Variants in CYP39A1 observed in about 807,000 individuals in gnomAD.
CYP39A1 encodes the protein cytochrome P450 family 39 subfamily A member 1, also known as 24-hydroxycholesterol 7-alpha-hydroxylase.
A neutral mutation model predicts 58.1 loss-of-function variants in CYP39A1; 49 were observed. The ratio of observed to expected loss-of-function variants is 0.84; its 90% CI spans 0.67 to 1.07. The LOEUF is 1.07. Among genes scored for constraint, CYP39A1 ranks in the 50% least tolerant of loss-of-function variants. The pLI, the probability that CYP39A1 is intolerant of heterozygous loss-of-function variation, is 0.00. For missense variants in CYP39A1, 531 were observed against 539.4 expected (o/e 0.98, Z 0.16); for synonymous variants, 209 against 187.6 (o/e 1.11, Z -0.93).
chr6:46,609,202 C>A (rs538632462), intron 7 of CYP39A1, among the ~76,000 whole-genome samples: 129 of 151,740 alleles, frequency 8.5e-4, no homozygotes, highest in African/African-American at 3.1e-3. Context: ...AAGATCGAGA[C>A]CATCCTGGCT....
chr6:46,583,352 G>A, intron 10 of CYP39A1: 3 of 985,330 alleles, frequency 3.0e-6, no homozygotes, highest in Non-Finnish European at 3.6e-6. Flanking sequence ...TGTTGGTTTT[G>A]GTGTGTGTTC....
chr6:46,594,233 C>T (rs2150521327), intron 8 of CYP39A1, among the ~76,000 whole-genome samples: 1 of 152,140 alleles, frequency 6.6e-6, no homozygotes, highest in East Asian at 1.9e-4. Flanking sequence ...CTACACAACT[C>T]TTATTAATAA....
intron 7 of CYP39A1, among the ~76,000 whole-genome samples, chr6:46,617,687 C>G (rs951981157): frequency 1.3e-5 from 2 of 152,148 alleles, no homozygotes; most frequent in African/African-American, 4.8e-5. Flanking sequence ...CTACCACTTG[C>G]TAGCTGTATG....
intron 10 of CYP39A1, among the ~76,000 whole-genome samples, chr6:46,571,278 T>A (rs549619095): frequency 1.3e-5 from 2 of 152,276 alleles, no homozygotes; most frequent in African/African-American, 4.8e-5. Flanking sequence ...GTTTCCTTAT[T>A]GATTTTCTGC....
intron 10 of CYP39A1, among the ~76,000 whole-genome samples, chr6:46,575,159 A>G (rs959919794): frequency 6.6e-6 from 1 of 152,138 alleles, no homozygotes; most frequent in Admixed American, 6.5e-5. Flanking sequence ...CACAACTCCC[A>G]TGACATTTGA....
intron 7 of CYP39A1, among the ~76,000 whole-genome samples, chr6:46,620,173 C>T (rs1411653525): frequency 1.3e-5 from 2 of 151,936 alleles, no homozygotes; most frequent in Non-Finnish European, 2.9e-5. Flanking sequence ...ATTCTCAAAC[C>T]CCTCTTTATA....
intron 5 of CYP39A1, among the ~76,000 whole-genome samples, chr6:46,634,235 A>C (rs1775827626): frequency 6.6e-6 from 1 of 152,108 alleles, no homozygotes; most frequent in African/African-American, 2.4e-5. Flanking sequence ...TCCCCACACA[A>C]GCTCTCTCTC....
In CYP39A1 at chr6:46,550,284, G is replaced by A. The variant is rs2150472875; in HGVS notation, c.*82C>T. On this transcript the variant is annotated 3_prime_UTR_variant, in exon 12 of 12. Coordinates refer to ENST00000275016, the MANE Select transcript of CYP39A1 (RefSeq NM_016593.5). ...AAACAAAGTGAAGCAGTGTGTTTTT[G>A]TAGAGCTCAGGTCTAGGTGCTGCCA... 2 of 1,088,150 alleles carry A rather than the reference G, an allele frequency of 1.8e-6. No homozygotes were observed. The highest frequency in any genetic ancestry group is 2.9e-5 in the South Asian group (2 of 68,318). The allele number at this position is 1,088,150 out of a possible 1,614,324, so 67.4% of individuals were successfully genotyped here. A position where few individuals can be genotyped will look rare whatever the true frequency, so the allele number is the denominator to read the frequency against.
At chr6:46,553,651 T>A (rs1770524165) in intron 11 of CYP39A1, 116 bp downstream of exon 11, 1 of 711,498 alleles carries the variant, frequency 1.4e-6, no homozygotes, top group African/African-American at 1.8e-5. Context: ...CCTGTTAAGA[T>A]CAGGCCTAAG....
At chr6:46,607,483 A>ACACC (rs1465288583) in intron 7 of CYP39A1, among the ~76,000 whole-genome samples, 1 of 151,934 alleles carries the variant, frequency 6.6e-6, no homozygotes, top group African/African-American at 2.4e-5. Context: ...ACACACACAC[A>ACACC]CACACACATG....
rs566223894 is a variant in CYP39A1, at chr6:46,576,985, C to T, written c.1250+10092G>A. On this transcript the variant is annotated intron_variant, in intron 10 of 11. Transcript: ENST00000275016. Reference sequence around the variant, plus strand: ...GAGAGGTTGACATGCTCATAAGATTCTCCAAAGTCAATGCAAAAGAAAAAA... The same window carrying T: ...GAGAGGTTGACATGCTCATAAGATTTTCCAAAGTCAATGCAAAAGAAAAAA... Among the ~76,000 whole-genome samples the T allele has an allele frequency of 8.5e-5, 13 of 152,204 alleles. No homozygotes were observed. In the East Asian group the frequency reaches 2.5e-3, roughly 29 times the overall value.
At chr6:46,628,849 G>A (rs1019388553) in intron 6 of CYP39A1, among the ~76,000 whole-genome samples, 3 of 152,168 alleles carry the variant, frequency 2.0e-5, no homozygotes, top group African/African-American at 7.2e-5. Context: ...TGAAAATAAT[G>A]ATTGACTGAA....
intron 7 of CYP39A1, 65 bp from the exon 8 acceptor site, chr6:46,596,185 C>T: frequency 1.5e-6 from 2 of 1,313,160 alleles, no homozygotes; most frequent in East Asian, 4.8e-5. Flanking sequence ...TTCACGTAAG[C>T]TCATCAGCAG....
chr6:46,642,050 A>G, intron 2 of CYP39A1, 113 bp downstream of exon 2: 1 of 1,181,126 alleles, frequency 8.5e-7, no homozygotes, highest in Non-Finnish European at 1.2e-6. Context: ...TCAAGAATAA[A>G]ATAATGGACC....
chr6:46,636,530 G>A, intron 4 of CYP39A1, 48 bp from the exon 5 acceptor site: 1 of 1,184,056 alleles, frequency 8.4e-7, no homozygotes, highest in Non-Finnish European at 1.2e-6. Flanking sequence ...AGCACTTTAG[G>A]AATAACAGGT....
At chr6:46,554,730 C>A (rs1475219116) in intron 10 of CYP39A1, among the ~76,000 whole-genome samples, 3 of 152,142 alleles carry the variant, frequency 2.0e-5, no homozygotes, top group African/African-American at 7.2e-5. Context: ...TTAATGAATA[C>A]AATTAGTCCA....
intron 1 of CYP39A1, among the ~76,000 whole-genome samples, chr6:46,642,754 T>A (rs1776423498): frequency 6.6e-6 from 1 of 152,174 alleles, no homozygotes; most frequent in Non-Finnish European, 1.5e-5. Context: ...ACTTTTCTAA[T>A]CTGTTCACTT....
Position 46,636,455 on chromosome 6 carries a change from G to C in CYP39A1, c.666C>G (p.Phe222Leu), listed in dbSNP as rs779683824. The stretch of plus-strand genomic sequence containing the variant: ...GAATGTTTTTCTCAAACAGTTCCAG[G>C]AACCACTTTTTGGATTTTGACCAGT... ...LRNWSKSKKWFLELFEKNIPD... is the reference protein window; with the variant it reads ...LRNWSKSKKWLLELFEKNIPD... Residue 222 changes from phenylalanine (F) to leucine (L), a missense_variant, in exon 5 of 12, where the codon TTC (phenylalanine) becomes TTG (leucine). Phe to Leu is a conservative substitution (Grantham distance 22). Transcript: ENST00000275016. The C allele has an allele frequency of 2.5e-6, 4 of 1,608,198 alleles. No homozygotes were observed. The highest frequency in any genetic ancestry group is 1.9e-4 in the Middle Eastern group (1 of 5,280).
In CYP39A1 at chr6:46,631,049, C is replaced by G. The variant is rs775293183; in HGVS notation, c.754G>C (p.Asp252His). ...TTACTTGTTTCCGTCTCTACAATAT[C>G]CAGCGTAGCTTGCAATAATGTCTGT... ...NSMTLLQATL[D>H]IVETETSKEN... Residue 252 changes from aspartate to histidine, a missense_variant, in exon 6 of 12, where the codon GAT becomes CAT. Transcript: ENST00000275016. 1.2e-6 allele frequency: 2 copies of G among 1,613,720 alleles called. No homozygotes were observed. The highest frequency in any genetic ancestry group is 1.3e-5 in the African/African-American group (1 of 74,986).
Sources: gnomAD v4.1 joint callset for allele counts (sites outside exome capture counted in the v4.1 genomes callset) on GRCh38, gnomAD v4.1.1 for gene constraint, MANE v1.5 for transcripts, NCBI Gene and HGNC (gene_info 2026-07-23, HGNC 2026-07-21) for gene names.